Variants in GALNT9 observed in about 807,000 individuals in gnomAD.
The protein encoded by GALNT9 is polypeptide N-acetylgalactosaminyltransferase 9, also known as GalNAc transferase 9.
Under a neutral mutation model 63.1 loss-of-function variants are expected in GALNT9, and 47 were observed. The observed-to-expected ratio is 0.75, with a 90% CI of 0.59 to 0.95. The LOEUF (loss-of-function observed/expected upper bound fraction) is 0.95, where lower values mean the gene tolerates loss of function less well. Among genes scored for constraint, GALNT9 ranks in the 40% least tolerant of loss-of-function variants. The pLI, the probability that GALNT9 is intolerant of heterozygous loss-of-function variation, is 0.00. For missense variants in GALNT9, 829 were observed against 874.8 expected, an observed-to-expected ratio of 0.95 and a Z score of 0.66; for synonymous variants, 396 against 365.7, an observed-to-expected ratio of 1.08 and a Z score of -0.94.
Position 132,197,936 on chromosome 12 carries a change from T to G in GALNT9, c.1521A>C (p.Gly507=), listed in dbSNP as rs12308155. ...SSQLVRYSAD[G]LLQLGPLGST... ...AGCCCAGAGGCCCCAGCTGCAGCAGTCCATCAGCGCTGTACCGCACCAGCT... is the reference window on the plus strand; with the variant it reads ...AGCCCAGAGGCCCCAGCTGCAGCAGGCCATCAGCGCTGTACCGCACCAGCT... Residue 507 remains glycine, a synonymous_variant, in exon 10 of 11, where the codon GGA becomes GGC. Transcript: ENST00000328957. 1,212,575 of 1,608,826 alleles carry G rather than the reference T, an allele frequency of 0.75. 457,884 individuals carry two copies. The highest frequency in any genetic ancestry group is 0.84 in the African/African-American group (62,822 of 74,876).
chr12:132,244,705 G>T, intron 6 of GALNT9, among the ~76,000 whole-genome samples: 1 of 40,370 alleles, frequency 2.5e-5, no homozygotes, highest in Admixed American at 2.3e-4. Context: ...GGCTGGACGG[G>T]GGGGCGTGGT....
At chr12:132,239,349 G>GAGAGAGACAC (rs1565995096) in intron 6 of GALNT9, among the ~76,000 whole-genome samples, 1 of 145,568 alleles carries the variant, frequency 6.9e-6, no homozygotes, top group African/African-American at 2.6e-5. Context: ...CAGAGACAGA[G>GAGAGAGACAC]TCAGAGACAG....
chr12:132,204,833 C>T (rs555611665), intron 6 of GALNT9, among the ~76,000 whole-genome samples: 2 of 152,222 alleles, frequency 1.3e-5, no homozygotes, highest in South Asian at 4.2e-4. Flanking sequence ...TGGGTCTGAT[C>T]CACGTGGCCC....
At chr12:132,253,254 G>A (rs1041699978) in intron 5 of GALNT9, among the ~76,000 whole-genome samples, 27 of 152,044 alleles carry the variant, frequency 1.8e-4, no homozygotes, top group Admixed American at 1.6e-3. Context: ...TTAGGCCTCC[G>A]GATGACTGCG....
chr12:132,311,230 C>T (rs1555245145), intron 1 of GALNT9, among the ~76,000 whole-genome samples: 1 of 152,144 alleles, frequency 6.6e-6, no homozygotes, highest in South Asian at 2.1e-4. Context: ...GTGACTTTGA[C>T]ATTTCAAAGA....
At chr12:132,247,676 T>A (rs375388574) in intron 6 of GALNT9, 51 of 234,288 alleles carry the variant, frequency 2.2e-4, no homozygotes, top group East Asian at 5.9e-4. Context: ...CGTCCCCGGA[T>A]GCCGTGGCCG....
rs369565545 is a variant in GALNT9 at position 132,201,238 on chromosome 12, G to A, written c.1287C>T (p.Asp429=). The A allele has an allele frequency of 1.9e-5, 30 of 1,612,872 alleles. No individual in the cohort carries two copies. Among genetic ancestry groups the A allele is most frequent in the Admixed American group, 8.3e-5 (5 of 59,964 alleles). ...GACGCAGGGCCAGCCTCTCAGACACGTCCCCGAAGTCCACCCCTGGGTTCT... is the reference window on the plus strand; with the variant it reads ...GACGCAGGGCCAGCCTCTCAGACACATCCCCGAAGTCCACCCCTGGGTTCT... ...PMSNPGVDFG[D]VSERLALRQR... is the part of the protein sequence containing the mutation. Residue 429 remains aspartate (D), a synonymous_variant, in exon 8 of 11, where the codon GAC becomes GAT. Coordinates refer to ENST00000328957, the MANE Select transcript of GALNT9 (RefSeq NM_001122636.2).
chr12:132,202,445 C>T (rs920664952), intron 7 of GALNT9, among the ~76,000 whole-genome samples: 7 of 152,306 alleles, frequency 4.6e-5, no homozygotes, highest in Admixed American at 2.0e-4. Flanking sequence ...TGGTCCAGCC[C>T]GGGGCCACTT....
At position 132,329,149 on chromosome 12, in the gene GALNT9, C is replaced by G. The variant is rs1482524776; in HGVS notation, c.55G>C (p.Val19Leu). ...TACACGGAGAACAGGACGATGCCCA[C>G]GAACACCAGGATGTTCACCGTCAGC... ...TLLTVNILVF[V>L]GIVLFSVYCR... The change falls in exon 1 of 11, where the codon GTG becomes CTG. Residue 19 changes from valine to leucine, a missense_variant. Val to Leu is a conservative substitution (Grantham distance 32). Coordinates refer to ENST00000328957, the MANE Select transcript of GALNT9 (RefSeq NM_001122636.2). The G allele has an allele frequency of 1.3e-6, 2 of 1,549,324 alleles. No homozygotes were observed. Among genetic ancestry groups the G allele is most frequent in the African/African-American group, 1.4e-5 (1 of 72,944 alleles).
intron 6 of GALNT9, among the ~76,000 whole-genome samples, chr12:132,213,470 A>G (rs1247049738): frequency 1.2e-5 from 1 of 82,752 alleles, no homozygotes; most frequent in Non-Finnish European, 2.5e-5. Flanking sequence ...ACACACAGGC[A>G]CACTCACACC....
chr12:132,218,847 TCAC>T (rs1403123870), intron 6 of GALNT9, among the ~76,000 whole-genome samples: 1 of 152,132 alleles, frequency 6.6e-6, no homozygotes, highest in Non-Finnish European at 1.5e-5. Flanking sequence ...CCCACTCACC[TCAC>T]CAAACACTGA....
intron 6 of GALNT9, among the ~76,000 whole-genome samples, chr12:132,225,481 C>T (rs1877634597): frequency 6.7e-6 from 1 of 149,328 alleles, no homozygotes; most frequent in East Asian, 2.0e-4. Context: ...ACACATCCCA[C>T]ACACATACAT....
chr12:132,223,135 C>CCA (rs1167262466), intron 6 of GALNT9, among the ~76,000 whole-genome samples: 2 of 92,304 alleles, frequency 2.2e-5, no homozygotes, highest in African/African-American at 4.0e-5. Flanking sequence ...CACACACACC[C>CCA]CACACACACA....
intron 6 of GALNT9, among the ~76,000 whole-genome samples, chr12:132,219,188 G>C (rs1877337275): frequency 6.6e-6 from 1 of 152,096 alleles, no homozygotes. Flanking sequence ...GATTGCTTCT[G>C]TCCTCAAACA....
chr12:132,243,818 C>T (rs1878577986), intron 6 of GALNT9, among the ~76,000 whole-genome samples: 1 of 152,194 alleles, frequency 6.6e-6, no homozygotes, highest in African/African-American at 2.4e-5. Flanking sequence ...GCCGCTGTCC[C>T]AGCCCACCCG....
At chr12:132,240,028 G>A (rs1169834333) in intron 6 of GALNT9, among the ~76,000 whole-genome samples, 3 of 152,164 alleles carry the variant, frequency 2.0e-5, no homozygotes, top group African/African-American at 2.4e-5. Context: ...ACCCAGGCCC[G>A]CCGCTCTAAA....
At chr12:132,302,425 T>C (rs782445089) in intron 1 of GALNT9, among the ~76,000 whole-genome samples, 2 of 152,206 alleles carry the variant, frequency 1.3e-5, no homozygotes, top group African/African-American at 4.8e-5. Context: ...CTTGAGTATT[T>C]CCCCACGTCA....
intron 1 of GALNT9, among the ~76,000 whole-genome samples, chr12:132,291,545 C>A (rs1176158991): frequency 6.7e-6 from 1 of 148,504 alleles, no homozygotes; most frequent in Non-Finnish European, 1.5e-5. Flanking sequence ...TCCACACCAC[C>A]GACATCCACA....
At chr12:132,240,562 G>A (rs2136898646) in intron 6 of GALNT9, 4 of 449,268 alleles carry the variant, frequency 8.9e-6, no homozygotes, top group East Asian at 7.1e-5. Flanking sequence ...CTCAGCTGTG[G>A]GCTCCGTGCG....
Sources: allele counts gnomAD v4.1 joint callset (sites outside exome capture counted in the v4.1 genomes callset), GRCh38; gene constraint gnomAD v4.1.1; transcripts MANE v1.5; gene names NCBI Gene and HGNC (gene_info 2026-07-23, HGNC 2026-07-21).